CYRIA: variants seen among roughly 807,000 people sequenced by gnomAD.
CYRIA encodes the protein CYFIP related Rac1 interactor A.
A neutral mutation model predicts 43.9 loss-of-function variants in CYRIA; 15 were observed. The observed-to-expected ratio is 0.34, with a 90% CI of 0.23 to 0.53. CYRIA has a LOEUF of 0.53. CYRIA is among the 20% of genes least tolerant of loss of function. The probability of loss-of-function intolerance (pLI) is 0.94; values close to 1 mark genes in which losing one functional copy is unlikely to be tolerated. For synonymous variants in CYRIA, 117 were observed against 136.0 expected (o/e 0.86, Z 0.97); for missense variants, 236 against 394.2 (o/e 0.60, Z 3.40).
chr2:16,584,153 C>A (rs576845801), intron 3 of CYRIA, among the ~76,000 whole-genome samples: 1 of 152,262 alleles, frequency 6.6e-6, no homozygotes, highest in African/African-American at 2.4e-5. Flanking sequence ...TCGGAATCTG[C>A]TCCCCTAGGG....
At chr2:16,649,397 A>C (rs1375866350) in intron 1 of CYRIA, among the ~76,000 whole-genome samples, 3 of 152,108 alleles carry the variant, frequency 2.0e-5, no homozygotes, top group Non-Finnish European at 4.4e-5. Context: ...TGTACAGTAC[A>C]GGGGATGGTT....
chr2:16,617,103 C>A (rs1242679485), intron 2 of CYRIA, among the ~76,000 whole-genome samples: 1 of 152,216 alleles, frequency 6.6e-6, no homozygotes. Context: ...ATTACAGCAA[C>A]TGAAGACAGT....
chr2:16,664,130 ACT>A (rs1162837287), intron 1 of CYRIA, among the ~76,000 whole-genome samples: 1 of 152,118 alleles, frequency 6.6e-6, no homozygotes, highest in Non-Finnish European at 1.5e-5. Context: ...TATTTTTAGC[ACT>A]GAGGCAGTAT....
chr2:16,587,534 G>A (rs1667773754), intron 3 of CYRIA, among the ~76,000 whole-genome samples: 1 of 151,942 alleles, frequency 6.6e-6, no homozygotes, highest in East Asian at 1.9e-4. Context: ...AGGGAAAAAG[G>A]AAGGAAAATG....
In CYRIA at chr2:16,623,892, A is replaced by C. The variant is rs1416040930; in HGVS notation, c.-39T>G. 1 of 152,232 alleles carries C rather than the reference A, an allele frequency of 6.6e-6. No individual in the cohort carries two copies. Among genetic ancestry groups the C allele is most frequent in the Non-Finnish European group, 1.5e-5 (1 of 68,040 alleles). 9.4% of individuals were successfully genotyped at this position (152,232 alleles called of 1,614,324 possible). A position where few individuals can be genotyped will look rare whatever the true frequency, so the allele number is the denominator to read the frequency against. On this transcript the variant is annotated 5_prime_UTR_variant, in exon 2 of 12. Coordinates refer to ENST00000381323, the MANE Select transcript of CYRIA (RefSeq NM_030797.4). ...GAAATATCTCCTGTGATTCAGTTTCACCAATCCAGGCTGATGGGATGAACC... is the reference window on the plus strand; with the variant it reads ...GAAATATCTCCTGTGATTCAGTTTCCCCAATCCAGGCTGATGGGATGAACC...
chr2:16,611,707 A>C (rs1295975312), intron 2 of CYRIA, among the ~76,000 whole-genome samples: 1 of 150,442 alleles, frequency 6.6e-6, no homozygotes, highest in East Asian at 2.0e-4. Context: ...TGAGGTGTGA[A>C]GAAAGGAGCC....
chr2:16,636,975 C>G (rs1669516354), intron 1 of CYRIA, among the ~76,000 whole-genome samples: 1 of 152,122 alleles, frequency 6.6e-6, no homozygotes, highest in East Asian at 1.9e-4. Flanking sequence ...GACCCCATTT[C>G]AAACAACAAA....
At chr2:16,558,984 C>A (rs1666628647) in intron 10 of CYRIA, among the ~76,000 whole-genome samples, 1 of 152,136 alleles carries the variant, frequency 6.6e-6, no homozygotes, top group East Asian at 1.9e-4. Context: ...AGGACTCACA[C>A]ATATCACGTA....
At chr2:16,621,979 A>G (rs1459146944) in intron 2 of CYRIA, among the ~76,000 whole-genome samples, 1 of 152,206 alleles carries the variant, frequency 6.6e-6, no homozygotes, top group East Asian at 1.9e-4. Context: ...AGATAGTGCG[A>G]GCCACCCACT....
intron 1 of CYRIA, among the ~76,000 whole-genome samples, chr2:16,629,526 T>C (rs1047471060): frequency 6.6e-5 from 10 of 152,316 alleles, no homozygotes; most frequent in African/African-American, 1.7e-4. Context: ...AGACCGTTTC[T>C]GGCGTATGTT....
chr2:16,665,272 G>A (rs975464964), intron 1 of CYRIA, among the ~76,000 whole-genome samples: 1 of 152,120 alleles, frequency 6.6e-6, no homozygotes, highest in African/African-American at 2.4e-5. Context: ...CTGGGTCCTA[G>A]GCACAGCAGC....
rs10182313 is a variant in CYRIA at position 16,552,144 on chromosome 2, C to T, written c.*792G>A. ...AAAGCCAGAGCTCCATTTCCCTAAT[C>T]CCTGTAGGCAGAGGGCTGAAGCAGA... On this transcript the variant is annotated 3_prime_UTR_variant, in exon 12 of 12. Coordinates refer to ENST00000381323, the MANE Select transcript of CYRIA (RefSeq NM_030797.4). The T allele has an allele frequency of 0.15, 23,285 of 151,964 alleles. 3,315 individuals are homozygous for T. Among genetic ancestry groups the T allele is most frequent in the East Asian group, 0.63 (3,234 of 5,114 alleles). 9.4% of individuals were successfully genotyped at this position (151,964 alleles called of 1,614,324 possible). A position where few individuals can be genotyped will look rare whatever the true frequency, so the allele number is the denominator to read the frequency against.
At chr2:16,554,961 T>C (rs1572450311) in intron 11 of CYRIA, 108 bp downstream of exon 11, 1 of 715,196 alleles carries the variant, frequency 1.4e-6, no homozygotes, top group East Asian at 2.8e-5. Flanking sequence ...TTCAATGTGT[T>C]AAAATATGCA....
At chr2:16,636,715 G>A (rs554789120) in intron 1 of CYRIA, among the ~76,000 whole-genome samples, 65 of 151,804 alleles carry the variant, frequency 4.3e-4, no homozygotes, top group African/African-American at 1.5e-3. Flanking sequence ...CCACAGGTTG[G>A]AAGTAGGACA....
At chr2:16,636,308 A>G (rs1347261171) in intron 1 of CYRIA, among the ~76,000 whole-genome samples, 1 of 152,186 alleles carries the variant, frequency 6.6e-6, no homozygotes, top group African/African-American at 2.4e-5. Context: ...TAAAAGCCCA[A>G]GGGCCCAGAG....
intron 1 of CYRIA, among the ~76,000 whole-genome samples, chr2:16,641,419 A>G (rs975594769): frequency 3.3e-5 from 5 of 151,910 alleles, no homozygotes; most frequent in South Asian, 4.2e-4. Flanking sequence ...TTTCTCCTCC[A>G]TTTGTTTAAT....
chr2:16,640,156 G>A (rs1476525178), intron 1 of CYRIA, among the ~76,000 whole-genome samples: 1 of 152,184 alleles, frequency 6.6e-6, no homozygotes, highest in Non-Finnish European at 1.5e-5. Context: ...CAAAAAGGGG[G>A]AAAAATCCAC....
intron 1 of CYRIA, among the ~76,000 whole-genome samples, chr2:16,653,848 G>A (rs542892618): frequency 2.6e-5 from 4 of 152,300 alleles, no homozygotes; most frequent in East Asian, 1.9e-4. Flanking sequence ...GTGATCCTGC[G>A]TAAATCACAT....
At chr2:16,634,313 C>T (rs1444870912) in intron 1 of CYRIA, among the ~76,000 whole-genome samples, 1 of 152,202 alleles carries the variant, frequency 6.6e-6, no homozygotes, top group African/African-American at 2.4e-5. Context: ...CACACCCCTT[C>T]TCTTATATTC....
Sources: allele counts gnomAD v4.1 joint callset (sites outside exome capture counted in the v4.1 genomes callset), GRCh38; gene constraint gnomAD v4.1.1; transcripts MANE v1.5; gene names NCBI Gene and HGNC (gene_info 2026-07-23, HGNC 2026-07-21).